ZP2: variants seen among roughly 807,000 people sequenced by gnomAD.
The protein encoded by ZP2 is zona pellucida sperm-binding protein 2.
A neutral mutation model predicts 84.0 loss-of-function variants in ZP2; 51 were observed. That is an observed-to-expected ratio of 0.61 (90% CI 0.49 to 0.77). ZP2 has a LOEUF of 0.77. Among genes scored for constraint, ZP2 ranks in the 30% least tolerant of loss-of-function variants. ZP2 has a pLI of 0.00. For missense variants in ZP2, 909 were observed against 911.9 expected (o/e 1.00, Z 0.04); for synonymous variants, 375 against 330.9 (o/e 1.13, Z -1.45).
At chr16:21,198,272 G>A (rs1448934040) in intron 17 of ZP2, among the ~76,000 whole-genome samples, 1 of 152,028 alleles carries the variant, frequency 6.6e-6, no homozygotes, top group Non-Finnish European at 1.5e-5. Flanking sequence ...GCAGGTGCCT[G>A]TAATCCCTGA....
upstream of ZP2, among the ~76,000 whole-genome samples, chr16:21,213,170 G>A (rs1216052319): frequency 2.0e-5 from 3 of 151,966 alleles, no homozygotes; most frequent in Non-Finnish European, 4.4e-5. Flanking sequence ...TCAGCCTCCC[G>A]GGTAGCTGGG....
intron 2 of ZP2, 82 bp from the exon 3 acceptor site, chr16:21,210,274 G>A (rs1325134282): frequency 9.0e-7 from 1 of 1,109,948 alleles, no homozygotes; most frequent in Non-Finnish European, 1.4e-6. Flanking sequence ...CCTCTCAGAT[G>A]GGAGGGATTC....
chr16:21,211,841 T>C (rs2093276757), upstream of ZP2: 6 of 1,317,668 alleles, frequency 4.6e-6, no homozygotes, highest in Admixed American at 6.0e-5. Flanking sequence ...TTAGGATCTT[T>C]TGGGCAAATT....
chr16:21,206,588 G>T (rs1401963995), intron 5 of ZP2, among the ~76,000 whole-genome samples: 1 of 152,134 alleles, frequency 6.6e-6, no homozygotes, highest in Non-Finnish European at 1.5e-5. Context: ...CTATTGCCAT[G>T]CATGATGTGC....
rs185369600 is a variant in ZP2, at chr16:21,198,691, G to A, written c.2011+88C>T. ...TTCTTCTATTGTTTAGACTCACCAC[G>A]GGTACATAGTATATGTAAGCACTGA... On this transcript the variant is annotated intron_variant, in intron 17 of 18. Coordinates refer to ENST00000574091, the MANE Select transcript of ZP2 (RefSeq NM_001376232.1). 395 of 1,072,882 alleles carry A rather than the reference G, an allele frequency of 3.7e-4. 2 individuals carry two copies. The African/African-American group carries it at 5.8e-3, about 16-fold the overall frequency. 66.5% of individuals were successfully genotyped at this position (1,072,882 alleles called of 1,614,324 possible).
At chr16:21,213,202 G>C (rs2093281198), upstream of ZP2, among the ~76,000 whole-genome samples, 1 of 152,042 alleles carries the variant, frequency 6.6e-6, no homozygotes, top group Non-Finnish European at 1.5e-5. Context: ...CCACCACCAA[G>C]CCCAGCTAAT....
At chr16:21,198,095 T>A in intron 17 of ZP2, 1 of 295,776 alleles carries the variant, frequency 3.4e-6, no homozygotes, top group Admixed American at 5.0e-5. Context: ...CAAGAGGATT[T>A]TTTTTTTTTT....
intron 11 of ZP2, 21 bp downstream of exon 11, chr16:21,202,083 G>A (rs754594092): frequency 2.3e-5 from 37 of 1,613,038 alleles, no homozygotes; most frequent in Admixed American, 2.0e-4. Flanking sequence ...ACTTAACCTC[G>A]TGCCATCTGC....
chr16:21,202,917 T>C (rs2093232644), intron 10 of ZP2, among the ~76,000 whole-genome samples: 1 of 152,118 alleles, frequency 6.6e-6, no homozygotes, highest in African/African-American at 2.4e-5. Flanking sequence ...CATGGAGCAG[T>C]TGCCATAAAA....
In ZP2 at chr16:21,202,292, C is replaced by T; in HGVS notation, c.1100-1G>A. The T allele has an allele frequency of 6.6e-7, 1 of 1,505,180 alleles. No homozygotes were observed. Among genetic ancestry groups the T allele is most frequent in the Non-Finnish European group, 8.8e-7 (1 of 1,130,730 alleles). 93.2% of individuals were successfully genotyped at this position (1,505,180 alleles called of 1,614,324 possible). ...TCCTGGGTGCACAGCTCCCCTGTAA[C>T]TAGACAGCGGTGAAAGTTTAGAGAA... On this transcript the variant is annotated splice_acceptor_variant, in intron 10 of 18. Transcript: ENST00000574091. LOFTEE classifies it high-confidence loss of function.
In ZP2 at chr16:21,209,270, C is replaced by T. The variant is rs1053664226; in HGVS notation, c.330+361G>A. On this transcript the variant is annotated intron_variant, in intron 4 of 18. Coordinates refer to ENST00000574091, the MANE Select transcript of ZP2 (RefSeq NM_001376232.1). The stretch of plus-strand genomic sequence containing the variant: ...CAAACCTCTGTCCCCTGGGTTTAAG[C>T]GATTCTCCTGCCTCAGCCTCACAAG... Among the ~76,000 whole-genome samples, 13 of 152,218 alleles carry T rather than the reference C, an allele frequency of 8.5e-5. No homozygotes were observed. In the East Asian group the frequency reaches 2.1e-3, roughly 25 times the overall value.
chr16:21,205,269 A>T, intron 7 of ZP2, 151 bp downstream of exon 7: 2 of 885,164 alleles, frequency 2.3e-6, no homozygotes, highest in South Asian at 3.5e-5. Context: ...CTGGGATTAC[A>T]GGTGTGAATA....
intron 14 of ZP2, 24 bp downstream of exon 14, chr16:21,201,345 C>T (rs764737577): frequency 4.0e-6 from 6 of 1,514,610 alleles, no homozygotes; most frequent in African/African-American, 1.4e-5. Context: ...AGCTGGGTAA[C>T]CTGATAGTAC....
At chr16:21,201,677 A>T in intron 13 of ZP2, 29 bp downstream of exon 13, 1 of 1,613,868 alleles carries the variant, frequency 6.2e-7, no homozygotes, top group Non-Finnish European at 8.5e-7. Flanking sequence ...GAGATCATTT[A>T]AGCAATTTCA....
At position 21,202,195 on chromosome 16, in the gene ZP2, C is replaced by T. The variant is rs1329506494; in HGVS notation, c.1196G>A (p.Gly399Glu). 1 of 1,594,876 alleles carries T rather than the reference C, an allele frequency of 6.3e-7. No individual in the cohort carries two copies. Among genetic ancestry groups the T allele is most frequent in the Non-Finnish European group, 8.5e-7 (1 of 1,175,362 alleles). ...PALDLGTLRV[G>E]NSSCQPVFEA... The stretch of plus-strand genomic sequence containing the variant: ...AAAGACAGGCTGGCAGGATGAGTTT[C>T]CCACCCTCAGAGTACCCAGGTCAAG... Residue 399 changes from glycine to glutamate, a missense_variant, in exon 11 of 19, where the codon GGA becomes GAA. Gly to Glu is a moderately conservative substitution (Grantham distance 98, BLOSUM62 -2). Transcript: ENST00000574091.
chr16:21,203,877 T>C (rs2093237229), intron 9 of ZP2, 153 bp downstream of exon 9: 1 of 735,656 alleles, frequency 1.4e-6, no homozygotes, highest in Non-Finnish European at 2.3e-6. Flanking sequence ...ATTTCACTTA[T>C]ACAAGATGAT....
In ZP2 at chr16:21,199,634, A is replaced by G; in HGVS notation, c.1863T>C (p.Asn621=). 6.2e-7 allele frequency: 1 copy of G among 1,613,724 alleles called. No individual in the cohort carries two copies. The highest frequency in any genetic ancestry group is 8.5e-7 in the Non-Finnish European group (1 of 1,179,802). Residue 621 remains asparagine (N), a synonymous_variant, in exon 16 of 19, where the codon AAT becomes AAC. Transcript: ENST00000574091. ...VYFHCSALIC[N]RLSPDSPLCS... ...ACAGTGGGGAGTCAGGGGAGAGTCG[A>G]TTACAGATTAAGGCACTGCAGTGGA... is the stretch of plus-strand genomic sequence containing the variant.
At chr16:21,197,955 G>T in intron 17 of ZP2, 106 bp from the exon 18 acceptor site, 1 of 1,076,620 alleles carries the variant, frequency 9.3e-7, no homozygotes, top group Non-Finnish European at 1.4e-6. Flanking sequence ...GCTATCTCAG[G>T]TAAGGGTATG....
intron 2 of ZP2, 24 bp downstream of exon 2, chr16:21,211,283 A>G (rs182562890): frequency 1.2e-6 from 2 of 1,608,342 alleles, no homozygotes; most frequent in African/African-American, 1.3e-5. Context: ...TGCTAAGAAG[A>G]CTTCTGTCAC....
Sources: allele counts gnomAD v4.1 joint callset (sites outside exome capture counted in the v4.1 genomes callset), GRCh38; gene constraint gnomAD v4.1.1; transcripts MANE v1.5; gene names NCBI Gene and HGNC (gene_info 2026-07-23, HGNC 2026-07-21).